The following XKR4 variants were observed in gnomAD, a reference collection of about 807,000 sequenced individuals.
XKR4 encodes XK-related protein 4.
XKR4 carries 12 observed loss-of-function variants against 53.9 expected under a neutral mutation model. The observed-to-expected ratio is 0.22, with a 90% CI of 0.14 to 0.36. The LOEUF is 0.36. XKR4 is among the 10% of genes least tolerant of loss of function. The pLI, the probability that XKR4 is intolerant of heterozygous loss-of-function variation, is 1.00. For synonymous variants in XKR4, 354 were observed against 362.4 expected, an observed-to-expected ratio of 0.98 and a Z score of 0.26; for missense variants, 799 against 859.5, an observed-to-expected ratio of 0.93 and a Z score of 0.88.
chr8:55,538,510 T>C lies in XKR4; in HGVS notation c.*14283T>C, dbSNP rs1297487573. The C allele has an allele frequency of 6.6e-6, 1 of 152,240 alleles. No homozygotes were observed. The highest frequency in any genetic ancestry group is 6.5e-5 in the Admixed American group (1 of 15,280). 9.4% of individuals were successfully genotyped at this position (152,240 alleles called of 1,614,324 possible). On this transcript the variant is annotated 3_prime_UTR_variant, in exon 3 of 3. Transcript: ENST00000327381. ...AACACTTTTCCTTCAAAGGTCTATGTATAATTTTCTTCAATGATTAGCTTT... is the reference window on the plus strand; with the variant it reads ...AACACTTTTCCTTCAAAGGTCTATGCATAATTTTCTTCAATGATTAGCTTT...
At chr8:55,335,421 C>A (rs143270258) in intron 1 of XKR4, among the ~76,000 whole-genome samples, 3 of 151,214 alleles carry the variant, frequency 2.0e-5, no homozygotes, top group African/African-American at 7.3e-5. Context: ...CATGACACTG[C>A]GAGAAAAAAA....
chr8:55,523,733 T>C lies in XKR4; in HGVS notation c.1459T>C (p.Phe487Leu). ...CAAGGCTCCCCAGATTGCAGACGCA[T>C]TTGCCATTCCAGCGCTGTGTGTGGT... ...LYKAPQIADA[F>L]AIPALCVVFS... Residue 487 changes from phenylalanine to leucine, a missense_variant, in exon 3 of 3, where the codon TTT becomes CTT. Physicochemically the swap from Phe to Leu is conservative, Grantham distance 22 (BLOSUM62 0). Around this residue, in one of 3 missense-constraint regions of XKR4, gnomAD observed 269 missense variants for 264.4 expected, o/e 1.02. Coordinates refer to ENST00000327381, the MANE Select transcript of XKR4 (RefSeq NM_052898.2). The C allele has an allele frequency of 6.2e-7, 1 of 1,614,210 alleles. No homozygotes were observed. Among genetic ancestry groups the C allele is most frequent in the Non-Finnish European group, 8.5e-7 (1 of 1,180,028 alleles).
intron 2 of XKR4, among the ~76,000 whole-genome samples, chr8:55,423,730 C>T (rs1175239018): frequency 1.3e-5 from 2 of 152,238 alleles, no homozygotes; most frequent in Non-Finnish European, 1.5e-5. Flanking sequence ...TCAAACCCGG[C>T]ACCAGTCTCA....
intron 1 of XKR4, among the ~76,000 whole-genome samples, chr8:55,187,274 T>C (rs1817390776): frequency 6.9e-6 from 1 of 143,962 alleles, no homozygotes; most frequent in African/African-American, 2.7e-5. Context: ...TAGAGTCTCT[T>C]CTCTAGTGGG....
chr8:55,327,041 G>A (rs1803304658), intron 1 of XKR4, among the ~76,000 whole-genome samples: 1 of 152,078 alleles, frequency 6.6e-6, no homozygotes, highest in African/African-American at 2.4e-5. Context: ...CTCAAGAGCA[G>A]AAACACAATC....
intron 1 of XKR4, among the ~76,000 whole-genome samples, chr8:55,196,897 T>C (rs1030268416): frequency 1.3e-5 from 2 of 152,184 alleles, no homozygotes; most frequent in Non-Finnish European, 2.9e-5. Context: ...GTTATGTGAT[T>C]GGACGGACGC....
At chr8:55,312,023 G>T (rs1402977404) in intron 1 of XKR4, among the ~76,000 whole-genome samples, 1 of 152,004 alleles carries the variant, frequency 6.6e-6, no homozygotes, top group African/African-American at 2.4e-5. Flanking sequence ...GCCTGTTCTA[G>T]CACCATTTAA....
intron 2 of XKR4, among the ~76,000 whole-genome samples, chr8:55,430,619 C>G (rs1805087604): frequency 6.6e-6 from 1 of 152,182 alleles, no homozygotes; most frequent in East Asian, 1.9e-4. Flanking sequence ...CCTACTATAG[C>G]TTTGTAAGAG....
chr8:55,437,966 AGAAG>A (rs774673580), intron 2 of XKR4, among the ~76,000 whole-genome samples: 2 of 46,508 alleles, frequency 4.3e-5, no homozygotes, highest in African/African-American at 3.9e-4. Flanking sequence ...AAAAAAAAAA[AGAAG>A]AAGAAGAAGA....
chr8:55,377,128 C>A (rs1183498020), intron 2 of XKR4, among the ~76,000 whole-genome samples: 1 of 152,190 alleles, frequency 6.6e-6, no homozygotes, highest in African/African-American at 2.4e-5. Flanking sequence ...AAGAAGTCTG[C>A]AGGTTGCCTC....
chr8:55,507,350 T>C (rs548861155), intron 2 of XKR4, among the ~76,000 whole-genome samples: 82 of 149,662 alleles, frequency 5.5e-4, no homozygotes, highest in Non-Finnish European at 1.1e-3. Flanking sequence ...ATTATTACTG[T>C]TGGATTTTTT....
At chr8:55,485,847 G>A (rs1806182521) in intron 2 of XKR4, among the ~76,000 whole-genome samples, 2 of 152,114 alleles carry the variant, frequency 1.3e-5, no homozygotes, top group Admixed American at 1.3e-4. Context: ...GATGTTCTGG[G>A]ATTGGAAAAA....
At chr8:55,329,786 A>G (rs1341111118) in intron 1 of XKR4, among the ~76,000 whole-genome samples, 5 of 152,192 alleles carry the variant, frequency 3.3e-5, no homozygotes, top group African/African-American at 1.2e-4. Flanking sequence ...ATACAAGAAC[A>G]TTGCTGTGTG....
At chr8:55,307,979 G>A (rs1017857205) in intron 1 of XKR4, among the ~76,000 whole-genome samples, 1 of 152,120 alleles carries the variant, frequency 6.6e-6, no homozygotes, top group African/African-American at 2.4e-5. Flanking sequence ...AGAGGGCCAG[G>A]CATGGTATCT....
In XKR4 at chr8:55,141,683, G is replaced by A. The variant is rs1171980244; in HGVS notation, c.806+38389G>A. On this transcript the variant is annotated intron_variant, in intron 1 of 2. Coordinates refer to ENST00000327381, the MANE Select transcript of XKR4 (RefSeq NM_052898.2). Reference sequence around the variant, plus strand: ...TCTCTCTCTCTCTCTGTGTGTGTGTGTGTGTGTCTCTCTCTGTGGACTGGC... The same window carrying A: ...TCTCTCTCTCTCTCTGTGTGTGTGTATGTGTGTCTCTCTCTGTGGACTGGC... 1.2e-3 allele frequency among the ~76,000 whole-genome samples: 113 copies of A among 95,484 alleles called. 2 individuals carry two copies. The highest frequency in any genetic ancestry group is 4.3e-3 in the African/African-American group (107 of 24,776). The allele number at this position is 95,484 out of a possible 152,430, so 62.6% of individuals were successfully genotyped here.
At chr8:55,346,995 G>A (rs1803657537) in intron 1 of XKR4, among the ~76,000 whole-genome samples, 1 of 152,078 alleles carries the variant, frequency 6.6e-6, no homozygotes. Flanking sequence ...GTAACACTCG[G>A]TCAAATCTTA....
chr8:55,149,563 C>T (rs1331443219), intron 1 of XKR4, among the ~76,000 whole-genome samples: 1 of 152,152 alleles, frequency 6.6e-6, no homozygotes, highest in East Asian at 1.9e-4. Flanking sequence ...AGTTTCTTGG[C>T]AGCACGGGGA....
chr8:55,512,889 G>A (rs953810057), intron 2 of XKR4, among the ~76,000 whole-genome samples: 7 of 152,240 alleles, frequency 4.6e-5, no homozygotes, highest in Non-Finnish European at 7.4e-5. Flanking sequence ...GCAGAGACTC[G>A]TTTAAGCAGA....
At chr8:55,488,451 G>GATAA (rs10626936) in intron 2 of XKR4, among the ~76,000 whole-genome samples, 51,965 of 151,748 alleles carry the variant, frequency 0.34, 10,728 homozygotes, top group African/African-American at 0.6. Flanking sequence ...TCCTTTGATA[G>GATAA]ATAAATAGAT....
Sources: allele counts gnomAD v4.1 joint callset (sites outside exome capture counted in the v4.1 genomes callset), GRCh38; gene constraint gnomAD v4.1.1; regional missense constraint gnomAD v4.1.1; transcripts MANE v1.5; gene names NCBI Gene and HGNC (gene_info 2026-07-23, HGNC 2026-07-21).